The following KAZN variants were observed in gnomAD, a reference collection of about 807,000 sequenced individuals.
The protein encoded by KAZN is kazrin.
Under a neutral mutation model 87.4 loss-of-function variants are expected in KAZN, and 40 were observed. The observed-to-expected ratio is 0.46, with a 90% CI of 0.36 to 0.60. The LOEUF (loss-of-function observed/expected upper bound fraction) is 0.60. Ranked by LOEUF, KAZN falls within the 20% of genes least tolerant of loss-of-function variation. KAZN has a pLI of 0.00. For synonymous variants in KAZN, 466 were observed against 458.3 expected, an observed-to-expected ratio of 1.02 and a Z score of -0.22; for missense variants, 898 against 1,073.9, an observed-to-expected ratio of 0.84 and a Z score of 2.29.
rs1671179210 is a variant in KAZN, at chr1:14,514,576, T to TTATATGAAA, written c.250-84402_250-84401insGAAATATAT. Among the ~76,000 whole-genome samples, 2 of 123,650 alleles carry TTATATGAAA rather than the reference T, an allele frequency of 1.6e-5. 1 individual carries two copies. Among genetic ancestry groups the TTATATGAAA allele is most frequent in the East Asian group, 4.7e-4 (2 of 4,234 alleles). The allele number at this position is 123,650 out of a possible 152,430, so 81.1% of individuals were successfully genotyped here. ...ATGAAATATATATTTTCTATATATT[T>TTATATGAAA]TATATATTTTTTTATATTTTATATA... On this transcript the variant is annotated intron_variant, in intron 2 of 16. Coordinates refer to the KAZN transcript ENST00000636203.
chr1:14,153,945 C>T (rs1645533792), intron 1 of KAZN, among the ~76,000 whole-genome samples: 1 of 152,046 alleles, frequency 6.6e-6, no homozygotes. Context: ...TGTTATTCCT[C>T]CAGTTTTGTT....
intron 1 of KAZN, among the ~76,000 whole-genome samples, chr1:14,884,514 T>C (rs1653830202): frequency 6.6e-6 from 1 of 152,374 alleles, no homozygotes; most frequent in African/African-American, 2.4e-5. Flanking sequence ...TGTGTGGCTT[T>C]GGTGTGAATA....
rs893075794 is a variant in KAZN, at chr1:14,773,316, C to A, written c.226+174093C>A. Among the ~76,000 whole-genome samples the A allele has an allele frequency of 2.0e-5, 3 of 152,022 alleles. No homozygotes were observed. Among genetic ancestry groups the A allele is most frequent in the African/African-American group, 7.2e-5 (3 of 41,398 alleles). ...AGTGGTGGCCTGGCGTATGAGAAGA[C>A]CACCCCCCACCCAATCCACCTCCCA... On this transcript the variant is annotated intron_variant, in intron 1 of 14. Transcript: ENST00000376030. The surrounding 1 kb of genome is among the most constrained non-coding windows in gnomAD (Gnocchi z 5.9).
intron 1 of KAZN, among the ~76,000 whole-genome samples, chr1:14,790,052 G>A (rs949021502): frequency 6.6e-6 from 1 of 151,778 alleles, no homozygotes; most frequent in African/African-American, 2.4e-5. Flanking sequence ...GCCCAGGCTG[G>A]AGTGCAATGG....
At chr1:13,917,605 G>A (rs988636846) in intron 1 of KAZN, among the ~76,000 whole-genome samples, 14 of 151,974 alleles carry the variant, frequency 9.2e-5, no homozygotes, top group Admixed American at 9.2e-4. Flanking sequence ...AGACCAGCCT[G>A]GATAACATGG....
intron 2 of KAZN, among the ~76,000 whole-genome samples, chr1:14,965,732 A>G (rs1664387806): frequency 6.6e-6 from 1 of 152,106 alleles, no homozygotes; most frequent in African/African-American, 2.4e-5. Context: ...AGATCTGTGT[A>G]TGTAAATCTG....
At chr1:14,849,542 T>C (rs934359069) in intron 1 of KAZN, among the ~76,000 whole-genome samples, 3 of 152,172 alleles carry the variant, frequency 2.0e-5, no homozygotes, top group African/African-American at 2.4e-5. Flanking sequence ...TTGGGGAAGA[T>C]CATTCCAAAA....
chr1:14,960,681 T>C lies in KAZN; in HGVS notation c.227-3T>C, dbSNP rs758367681. The C allele has an allele frequency of 2.6e-6, 4 of 1,561,114 alleles. No homozygotes were observed. The highest frequency in any genetic ancestry group is 1.2e-5 in the South Asian group (1 of 84,866). ...CCTCTAACCCTGTGCCCTTCTCCCC[T>C]AGTGCTCCTGCGGGAAGAAGTGTCG... On this transcript the variant is annotated splice_polypyrimidine_tract_variant and splice_region_variant and intron_variant, in intron 1 of 14. Coordinates refer to ENST00000376030, the MANE Select transcript of KAZN (RefSeq NM_201628.3).
intron 2 of KAZN, among the ~76,000 whole-genome samples, chr1:14,310,276 T>C (rs1655193218): frequency 6.6e-6 from 1 of 152,134 alleles, no homozygotes; most frequent in Non-Finnish European, 1.5e-5. Context: ...GTGTGGAAGA[T>C]ACGGTTGGAG....
chr1:14,884,163 G>A (rs369766448), intron 1 of KAZN, among the ~76,000 whole-genome samples: 43 of 152,166 alleles, frequency 2.8e-4, no homozygotes, highest in African/African-American at 7.7e-4. Flanking sequence ...GGAGGCCGAG[G>A]CGGGTGGGTC....
chr1:15,065,364 C>T (rs769519739), intron 7 of KAZN, among the ~76,000 whole-genome samples: 1 of 152,158 alleles, frequency 6.6e-6, no homozygotes, highest in East Asian at 1.9e-4. Flanking sequence ...TAGCAACATC[C>T]TCGTGGCAAT....
chr1:14,920,276 G>GTTTTTTTTTTTTTTTTT lies in KAZN; in HGVS notation c.227-40404_227-40388dup. ...TTTTTCTGTCTGCAGCCTCTTTTCT[G>GTTTTTTTTTTTTTTTTT]TTTTTTTTTTTTTTTTTTTTGGGTG... On this transcript the variant is annotated intron_variant, in intron 1 of 14. Transcript: ENST00000376030. Among the ~76,000 whole-genome samples, 2 of 94,158 alleles carry GTTTTTTTTTTTTTTTTT rather than the reference G, an allele frequency of 2.1e-5. 1 individual carries two copies. The highest frequency in any genetic ancestry group is 8.1e-5 in the African/African-American group (2 of 24,598). The allele number at this position is 94,158 out of a possible 152,430, so 61.8% of individuals were successfully genotyped here.
chr1:14,535,673 A>T (rs1485837606), intron 2 of KAZN, among the ~76,000 whole-genome samples: 1 of 151,866 alleles, frequency 6.6e-6, no homozygotes, highest in South Asian at 2.1e-4. Flanking sequence ...TCAAAAAAAA[A>T]AAATAAAAAT....
intron 2 of KAZN, among the ~76,000 whole-genome samples, chr1:14,365,341 C>T (rs1055027171): frequency 6.2e-5 from 9 of 144,352 alleles, no homozygotes; most frequent in Admixed American, 2.8e-4. Flanking sequence ...GCCACCGCGC[C>T]CCGGCGCCCA....
intron 1 of KAZN, among the ~76,000 whole-genome samples, chr1:14,751,529 A>G (rs1049613821): frequency 2.0e-5 from 3 of 152,160 alleles, no homozygotes; most frequent in Non-Finnish European, 4.4e-5. Flanking sequence ...TCCCTGTTTT[A>G]TTGCAGAGAA....
chr1:15,027,811 T>C (rs1244551532), intron 2 of KAZN, among the ~76,000 whole-genome samples: 1 of 151,596 alleles, frequency 6.6e-6, no homozygotes. Flanking sequence ...ACATCCAGGA[T>C]TGGGCCCACA....
intron 3 of KAZN, among the ~76,000 whole-genome samples, chr1:15,039,195 A>G (rs1008110210): frequency 6.6e-6 from 1 of 152,126 alleles, no homozygotes; most frequent in African/African-American, 2.4e-5. Context: ...TGCTATTTTA[A>G]TAGCAATCCT....
intron 2 of KAZN, among the ~76,000 whole-genome samples, chr1:14,477,546 G>A (rs995133485): frequency 4.0e-5 from 6 of 151,466 alleles, no homozygotes; most frequent in Admixed American, 6.6e-5. Flanking sequence ...GCCTTGCATC[G>A]TGTACAAGGC....
At chr1:14,044,309 T>G (rs978704366) in intron 1 of KAZN, among the ~76,000 whole-genome samples, 1 of 152,136 alleles carries the variant, frequency 6.6e-6, no homozygotes, top group Admixed American at 6.6e-5. Context: ...AGTCGAACCC[T>G]TTCCTCAAAT....
Sources: gnomAD v4.1 joint callset for allele counts (sites outside exome capture counted in the v4.1 genomes callset) on GRCh38, gnomAD v4.1.1 for gene constraint, Gnocchi (gnomAD v3.1) non-coding constraint, MANE v1.5 for transcripts, NCBI Gene and HGNC (gene_info 2026-07-23, HGNC 2026-07-21) for gene names.